The following KIF1B variants were observed in gnomAD, a reference collection of about 807,000 sequenced individuals.
KIF1B encodes the protein kinesin family member 1B.
KIF1B carries 76 observed loss-of-function variants against 241.9 expected under a neutral mutation model. The observed-to-expected ratio is 0.31, with a 90% confidence interval of 0.26 to 0.38. KIF1B has a LOEUF of 0.38. Among genes scored for constraint, KIF1B ranks in the 10% least tolerant of loss-of-function variants. The pLI is 1.00. For synonymous variants in KIF1B, 750 were observed against 796.7 expected (o/e 0.94, Z 0.99); for missense variants, 1,622 against 2,271.4 (o/e 0.71, Z 5.81).
At chr1:10,284,428 G>A (rs1431713105) in intron 15 of KIF1B, among the ~76,000 whole-genome samples, 2 of 152,278 alleles carry the variant, frequency 1.3e-5, no homozygotes, top group African/African-American at 2.4e-5. Flanking sequence ...GCTCATGCCT[G>A]TAATCCCAGC....
chr1:10,361,554 T>C, intron 39 of KIF1B, 138 bp from the exon 40 acceptor site: 1 of 932,060 alleles, frequency 1.1e-6, no homozygotes, highest in Non-Finnish European at 1.7e-6. Flanking sequence ...ATCCATTGGG[T>C]GGCTGTTGAA....
chr1:10,228,151 C>T (rs1295220623), intron 1 of KIF1B, among the ~76,000 whole-genome samples: 1 of 151,976 alleles, frequency 6.6e-6, no homozygotes, highest in Non-Finnish European at 1.5e-5. Flanking sequence ...TGCCACTGCA[C>T]TCCAGCCTGA....
At chr1:10,250,173 T>C (rs1369897563) in intron 2 of KIF1B, among the ~76,000 whole-genome samples, 3 of 152,204 alleles carry the variant, frequency 2.0e-5, no homozygotes, top group Admixed American at 6.5e-5. Context: ...CTACTGAATA[T>C]TGAGAGTTTA....
intron 2 of KIF1B, among the ~76,000 whole-genome samples, chr1:10,245,481 CT>C (rs1401502292): frequency 5.9e-5 from 9 of 152,068 alleles, no homozygotes; most frequent in Admixed American, 3.9e-4. Flanking sequence ...TCCAGCTCTC[CT>C]AAGGTTAGTG....
chr1:10,345,162 G>GA (rs1182320801), intron 34 of KIF1B, among the ~76,000 whole-genome samples: 3 of 151,412 alleles, frequency 2.0e-5, no homozygotes, highest in African/African-American at 4.9e-5. Flanking sequence ...CCATAAAAAA[G>GA]AAAAAAAAGC....
At position 10,322,469 on chromosome 1, in the gene KIF1B, G is replaced by A. The variant is rs72865994; in HGVS notation, c.2358+612G>A. Among the ~76,000 whole-genome samples, 496 of 152,270 alleles carry A rather than the reference G, an allele frequency of 3.3e-3. 4 individuals carry two copies. Among genetic ancestry groups the A allele is most frequent in the African/African-American group, 0.012 (481 of 41,544 alleles). On this transcript the variant is annotated intron_variant, in intron 24 of 48. Coordinates refer to ENST00000676179, the MANE Select transcript of KIF1B (RefSeq NM_001365951.3). The stretch of plus-strand genomic sequence containing the variant: ...ACTTATAGTGTCTGGCATGGTAAAA[G>A]GCAATAAATGTTATTCATTTTTGTA...
At chr1:10,269,733 G>A (rs562608185) in intron 7 of KIF1B, among the ~76,000 whole-genome samples, 9 of 152,194 alleles carry the variant, frequency 5.9e-5, no homozygotes, top group East Asian at 3.9e-4. Flanking sequence ...CAGGAGAATC[G>A]CTTGAACCTG....
Position 10,365,761 on chromosome 1 carries a change from T to G in KIF1B, c.4752+113T>G. ...CGAGGTGTTTGAAGGCCTGTGATAA[T>G]ACTGTGAATGTAGAAATAAAAAGAC... On this transcript the variant is annotated intron_variant, in intron 43 of 48. Transcript: ENST00000676179. This position sits in a 1 kb window ranked among gnomAD's most constrained non-coding sequence, Gnocchi z 4.0. The G allele has an allele frequency of 2.1e-6, 3 of 1,425,752 alleles. No individual in the cohort carries two copies. In the South Asian group the frequency reaches 3.5e-5, roughly 17 times the overall value. The allele number at this position is 1,425,752 out of a possible 1,614,324, so 88.3% of individuals were successfully genotyped here.
At chr1:10,256,161 G>A in intron 2 of KIF1B, 86 bp from the exon 3 acceptor site, 3 of 847,788 alleles carry the variant, frequency 3.5e-6, no homozygotes, top group Non-Finnish European at 6.1e-6. Context: ...TTACTGATTG[G>A]GATGTTTTGA....
At chr1:10,301,292 T>C (rs1386687153) in intron 22 of KIF1B, among the ~76,000 whole-genome samples, 5 of 152,222 alleles carry the variant, frequency 3.3e-5, no homozygotes, top group African/African-American at 1.2e-4. Flanking sequence ...TAGTAACTAT[T>C]TTCATTTACT....
chr1:10,339,962 A>T, intron 32 of KIF1B, 103 bp downstream of exon 32: 1 of 952,142 alleles, frequency 1.1e-6, no homozygotes, highest in South Asian at 1.4e-5. Flanking sequence ...CTGGCTGTGC[A>T]GGGGGAGAGT....
intron 2 of KIF1B, among the ~76,000 whole-genome samples, chr1:10,254,466 A>T (rs141569607): frequency 1.3e-5 from 2 of 152,296 alleles, no homozygotes; most frequent in Non-Finnish European, 2.9e-5. Context: ...TTACATAAAT[A>T]CACACACACT....
chr1:10,279,253 C>A, intron 14 of KIF1B, 115 bp downstream of exon 14: 1 of 658,386 alleles, frequency 1.5e-6, no homozygotes, highest in Non-Finnish European at 2.7e-6. Flanking sequence ...AAATCCCAGA[C>A]AGAGCATAGT....
chr1:10,273,299 A>G (rs1648900223), intron 10 of KIF1B, among the ~76,000 whole-genome samples: 1 of 152,204 alleles, frequency 6.6e-6, no homozygotes, highest in Non-Finnish European at 1.5e-5. Flanking sequence ...CATGCCTGTA[A>G]TCCCAGCACT....
At chr1:10,328,556 C>T (rs1353181611) in intron 27 of KIF1B, among the ~76,000 whole-genome samples, 1 of 152,200 alleles carries the variant, frequency 6.6e-6, no homozygotes, top group East Asian at 1.9e-4. Flanking sequence ...ATAATGCTTG[C>T]TTCATTTGAT....
intron 2 of KIF1B, among the ~76,000 whole-genome samples, chr1:10,248,684 T>C (rs1647286498): frequency 6.6e-6 from 1 of 152,210 alleles, no homozygotes; most frequent in African/African-American, 2.4e-5. Context: ...CATCTGGTAA[T>C]AACTGGAGTT....
intron 22 of KIF1B, among the ~76,000 whole-genome samples, chr1:10,319,683 T>C (rs763167953): frequency 4.6e-5 from 7 of 152,228 alleles, no homozygotes; most frequent in Middle Eastern, 3.2e-3. Flanking sequence ...TTTATTGATA[T>C]ATAAGATATT....
intron 1 of KIF1B, among the ~76,000 whole-genome samples, chr1:10,223,864 A>G (rs569020545): frequency 1.3e-5 from 2 of 152,214 alleles, no homozygotes; most frequent in South Asian, 4.1e-4. Context: ...ACCATGAGAC[A>G]GTAAAATCAG....
intron 3 of KIF1B, 119 bp from the exon 4 acceptor site, chr1:10,258,374 G>A: frequency 9.8e-7 from 1 of 1,022,902 alleles, no homozygotes; most frequent in Non-Finnish European, 1.4e-6. Context: ...CTTAAAAAAT[G>A]TGTAGGGAAT....
Sources: gnomAD v4.1 joint callset for allele counts (sites outside exome capture counted in the v4.1 genomes callset) on GRCh38, gnomAD v4.1.1 for gene constraint, Gnocchi (gnomAD v3.1) non-coding constraint, MANE v1.5 for transcripts, NCBI Gene and HGNC (gene_info 2026-07-23, HGNC 2026-07-21) for gene names.